The following PKNOX2 variants were observed in gnomAD, a reference collection of about 807,000 sequenced individuals.
The protein encoded by PKNOX2 is PBX/knotted 1 homeobox 2.
In PKNOX2, 14 loss-of-function variants were observed where a neutral mutation model predicts 53.1. The observed-to-expected ratio is 0.26, with a 90% CI of 0.17 to 0.41. PKNOX2 has a LOEUF of 0.41. Ranked by LOEUF, PKNOX2 falls within the 10% of genes least tolerant of loss-of-function variation. The pLI is 1.00. For missense variants in PKNOX2, 496 were observed against 602.8 expected, an observed-to-expected ratio of 0.82 and a Z score of 1.85; for synonymous variants, 257 against 242.8, an observed-to-expected ratio of 1.06 and a Z score of -0.54.
At chr11:125,285,332 C>T (rs140074471) in intron 2 of PKNOX2, among the ~76,000 whole-genome samples, 13 of 152,248 alleles carry the variant, frequency 8.5e-5, no homozygotes. Flanking sequence ...TCTGCTGAAG[C>T]TTCATTGAGA....
intron 1 of PKNOX2, among the ~76,000 whole-genome samples, chr11:125,198,077 G>T (rs116977980): frequency 0.018 from 2,691 of 152,298 alleles, 40 homozygotes; most frequent in South Asian, 0.035. Flanking sequence ...ATGGTCCCTC[G>T]TCTGTGTTTC....
At chr11:125,308,556 G>C (rs1361464021) in intron 2 of PKNOX2, among the ~76,000 whole-genome samples, 2 of 152,210 alleles carry the variant, frequency 1.3e-5, no homozygotes, top group Non-Finnish European at 1.5e-5. Context: ...CACCAGCAAA[G>C]GAGATGGCGA....
At chr11:125,311,938 G>A (rs1948832413) in intron 2 of PKNOX2, among the ~76,000 whole-genome samples, 1 of 152,172 alleles carries the variant, frequency 6.6e-6, no homozygotes, top group Non-Finnish European at 1.5e-5. Context: ...CCCGGGAGGT[G>A]GAGGTTACAG....
At chr11:125,338,165 T>C (rs138969924) in intron 3 of PKNOX2, among the ~76,000 whole-genome samples, 3 of 152,294 alleles carry the variant, frequency 2.0e-5, no homozygotes, top group East Asian at 3.9e-4. Flanking sequence ...CCCATCATTC[T>C]GAAATGGGCT....
chr11:125,196,871 C>G (rs1360774672), intron 1 of PKNOX2, among the ~76,000 whole-genome samples: 4 of 152,118 alleles, frequency 2.6e-5, no homozygotes, highest in African/African-American at 7.2e-5. Context: ...GAGCAGGGAC[C>G]CTGGTGCTTT....
chr11:125,238,986 T>TA (rs1482934638), intron 2 of PKNOX2, among the ~76,000 whole-genome samples: 7 of 152,178 alleles, frequency 4.6e-5, no homozygotes, highest in African/African-American at 1.7e-4. Flanking sequence ...CCAGGACTGC[T>TA]ATGAGGACTC....
chr11:125,211,297 G>A (rs1420089591), intron 1 of PKNOX2, among the ~76,000 whole-genome samples: 1 of 152,118 alleles, frequency 6.6e-6, no homozygotes, highest in African/African-American at 2.4e-5. Flanking sequence ...CTGGAAGAGA[G>A]AGAAGGATGT....
At chr11:125,430,164 C>T (rs1956628926) in intron 12 of PKNOX2, 23 bp downstream of exon 12, 1 of 1,609,478 alleles carries the variant, frequency 6.2e-7, no homozygotes, top group Non-Finnish European at 8.5e-7. Context: ...GCTGAGTGCA[C>T]CCTAGACAAG....
At chr11:125,295,418 G>A (rs554123187) in intron 2 of PKNOX2, among the ~76,000 whole-genome samples, 8 of 152,300 alleles carry the variant, frequency 5.3e-5, no homozygotes, top group Admixed American at 3.9e-4. Flanking sequence ...ATGTACACAC[G>A]TGTGTGTGTG....
chr11:125,192,905 A>AG (rs1231560597), intron 1 of PKNOX2, among the ~76,000 whole-genome samples: 2 of 152,208 alleles, frequency 1.3e-5, no homozygotes, highest in African/African-American at 4.8e-5. Context: ...TCAGTGAGCG[A>AG]GGGGCTGTTT....
intron 3 of PKNOX2, among the ~76,000 whole-genome samples, chr11:125,343,186 A>T (rs1488324670): frequency 6.6e-6 from 1 of 152,164 alleles, no homozygotes; most frequent in Non-Finnish European, 1.5e-5. Context: ...ATCACTGGCA[A>T]AAGCGGGACC....
rs1408222164 is a variant in PKNOX2, at chr11:125,178,626, GA to G, written c.-201+13853del. ...GGAAGGAAGGAAAGAAAGAAAGAAA[GA>G]AAGAAAGAAAGAAAGAAAGAAGGAA... On this transcript the variant is annotated intron_variant, in intron 1 of 12. Coordinates refer to ENST00000298282, the MANE Select transcript of PKNOX2 (RefSeq NM_001382323.2). Among the ~76,000 whole-genome samples the G allele has an allele frequency of 6.9e-3, 544 of 79,250 alleles. 6 individuals are homozygous for G. Among genetic ancestry groups the G allele is most frequent in the African/African-American group, 0.038 (466 of 12,302 alleles). 52.0% of individuals were successfully genotyped at this position (79,250 alleles called of 152,430 possible). A position where few individuals can be genotyped will look rare whatever the true frequency, so the allele number is the denominator to read the frequency against.
chr11:125,257,634 G>A (rs1010306214), intron 2 of PKNOX2, among the ~76,000 whole-genome samples: 4 of 152,198 alleles, frequency 2.6e-5, no homozygotes, highest in Non-Finnish European at 5.9e-5. Context: ...AGCAGCTGAC[G>A]ATCCTGCCCA....
chr11:125,421,986 A>G (rs1235053161), intron 10 of PKNOX2, among the ~76,000 whole-genome samples: 1 of 152,160 alleles, frequency 6.6e-6, no homozygotes, highest in Non-Finnish European at 1.5e-5. Flanking sequence ...GTTGGTTAAC[A>G]GGGTTTGGTT....
At chr11:125,310,179 G>T (rs1948717020) in intron 2 of PKNOX2, among the ~76,000 whole-genome samples, 2 of 152,044 alleles carry the variant, frequency 1.3e-5, no homozygotes, top group Non-Finnish European at 2.9e-5. Context: ...TCTGGTTCTT[G>T]GTCATCTCTT....
chr11:125,178,641 A>AAGGAAG (rs1565462425), intron 1 of PKNOX2, among the ~76,000 whole-genome samples: 1 of 49,384 alleles, frequency 2.0e-5, no homozygotes, highest in East Asian at 5.4e-4. Context: ...AAAGAAAGAA[A>AAGGAAG]GAAAGAAGGA....
intron 1 of PKNOX2, among the ~76,000 whole-genome samples, chr11:125,222,783 GTGTA>G (rs1243606778): frequency 2.0e-5 from 3 of 151,416 alleles, no homozygotes; most frequent in Admixed American, 6.6e-5. Context: ...GTGTGTATGT[GTGTA>G]TGTGTGTGTG....
At chr11:125,367,280 A>G (rs1269459912) in intron 4 of PKNOX2, among the ~76,000 whole-genome samples, 1 of 152,242 alleles carries the variant, frequency 6.6e-6, no homozygotes, top group Non-Finnish European at 1.5e-5. Flanking sequence ...TGTTATGGCC[A>G]AGAACAAGAA....
intron 3 of PKNOX2, 146 bp from the exon 4 acceptor site, chr11:125,351,138 C>T: frequency 4.5e-6 from 3 of 671,660 alleles, no homozygotes; most frequent in Non-Finnish European, 5.5e-6. Context: ...TTCCTTAGCT[C>T]TCATTTGTTG....
Sources: gnomAD v4.1 joint callset for allele counts (sites outside exome capture counted in the v4.1 genomes callset) on GRCh38, gnomAD v4.1.1 for gene constraint, MANE v1.5 for transcripts, NCBI Gene and HGNC (gene_info 2026-07-23, HGNC 2026-07-21) for gene names.